TBC1D32: variants seen among roughly 807,000 people sequenced by gnomAD.
The protein encoded by TBC1D32 is TBC1 domain family member 32, also known as protein broad-minded.
In TBC1D32, 151 loss-of-function variants were observed where a neutral mutation model predicts 170.3. The observed-to-expected ratio is 0.89, with a 90% confidence interval of 0.78 to 1.01. The LOEUF (loss-of-function observed/expected upper bound fraction) is 1.01, where lower values mean the gene tolerates loss of function less well. TBC1D32 is among the 50% of genes least tolerant of loss of function. The pLI is 0.00. For synonymous variants in TBC1D32, 498 were observed against 488.0 expected (o/e 1.02, Z -0.27); for missense variants, 1,464 against 1,457.1 (o/e 1.00, Z -0.08).
At chr6:121,236,643 A>T (rs907213614) in intron 20 of TBC1D32, among the ~76,000 whole-genome samples, 39 of 152,116 alleles carry the variant, frequency 2.6e-4, no homozygotes, top group Non-Finnish European at 4.6e-4. Context: ...AATATTTTTT[A>T]AAAAATCCTT....
At chr6:121,277,327 A>G (rs34349558) in intron 15 of TBC1D32, among the ~76,000 whole-genome samples, 17,585 of 151,836 alleles carry the variant, frequency 0.12, 1,466 homozygotes, top group Admixed American at 0.23. Flanking sequence ...ATCTCTAACA[A>G]AAATACAAAA....
At chr6:121,139,589 A>G (rs1189620060) in intron 24 of TBC1D32, among the ~76,000 whole-genome samples, 1 of 152,192 alleles carries the variant, frequency 6.6e-6, no homozygotes, top group East Asian at 1.9e-4. Flanking sequence ...ATCAGTATAG[A>G]TTAATGAAAA....
chr6:121,101,266 C>T (rs779775382), intron 30 of TBC1D32, among the ~76,000 whole-genome samples: 20 of 151,960 alleles, frequency 1.3e-4, no homozygotes, highest in Non-Finnish European at 2.1e-4. Flanking sequence ...ATATCAAAGC[C>T]GGTCAGAGAC....
chr6:121,246,202 G>A (rs1797575457), intron 17 of TBC1D32, among the ~76,000 whole-genome samples: 1 of 152,168 alleles, frequency 6.6e-6, no homozygotes, highest in Non-Finnish European at 1.5e-5. Flanking sequence ...GCCGGAGACA[G>A]TGAACTTGCC....
At chr6:121,202,478 T>C (rs886586605) in intron 22 of TBC1D32, among the ~76,000 whole-genome samples, 2 of 151,200 alleles carry the variant, frequency 1.3e-5, no homozygotes, top group Non-Finnish European at 2.9e-5. Context: ...GATCTAGCGA[T>C]GAGCAGGATG....
intron 24 of TBC1D32, among the ~76,000 whole-genome samples, chr6:121,147,846 C>T (rs1385733484): frequency 1.3e-5 from 2 of 151,798 alleles, no homozygotes; most frequent in African/African-American, 2.4e-5. Flanking sequence ...CCTGCCTCGG[C>T]CTCTCAAAGT....
chr6:121,098,064 G>A (rs1338972733), intron 30 of TBC1D32, among the ~76,000 whole-genome samples: 5 of 151,814 alleles, frequency 3.3e-5, no homozygotes, highest in Non-Finnish European at 7.4e-5. Context: ...GGGCCTAGGG[G>A]AGGGAGAGCA....
At chr6:121,323,959 C>G (rs902872289) in intron 1 of TBC1D32, among the ~76,000 whole-genome samples, 2 of 152,082 alleles carry the variant, frequency 1.3e-5, no homozygotes, top group African/African-American at 4.8e-5. Flanking sequence ...AGGTGATAAA[C>G]TAACTTGTAA....
chr6:121,100,112 T>C (rs557017118), intron 30 of TBC1D32, among the ~76,000 whole-genome samples: 2 of 152,150 alleles, frequency 1.3e-5, no homozygotes, highest in East Asian at 3.9e-4. Context: ...TCTACTTTAA[T>C]TGCACTGTGG....
At chr6:121,086,708 G>T (rs970688526) in intron 31 of TBC1D32, among the ~76,000 whole-genome samples, 2 of 152,128 alleles carry the variant, frequency 1.3e-5, no homozygotes, top group African/African-American at 4.8e-5. Flanking sequence ...AGGCTGGTAT[G>T]TCAGTGAAGT....
Position 121,255,402 on chromosome 6 carries a change from C to T in TBC1D32, c.1944G>A (p.Leu648=). 6.7e-7 allele frequency: 1 copy of T among 1,502,300 alleles called. No homozygotes were observed. Among genetic ancestry groups the T allele is most frequent in the Non-Finnish European group, 8.9e-7 (1 of 1,118,684 alleles). 93.1% of individuals were successfully genotyped at this position (1,502,300 alleles called of 1,614,324 possible). ...CTGGAGTAGGAATTCTTTCTGATAGCAAACTTGTCTAAAAAATAGTAGAAT... is the reference window on the plus strand; with the variant it reads ...CTGGAGTAGGAATTCTTTCTGATAGTAAACTTGTCTAAAAAATAGTAGAAT... ...SIAKAWKKTS[L]LSERIPTPVE... is the part of the protein sequence containing the mutation. The change falls in exon 17 of 32, where the codon TTG becomes TTA. Residue 648 remains leucine, a synonymous_variant. Coordinates refer to ENST00000398212, the MANE Select transcript of TBC1D32 (RefSeq NM_152730.6).
intron 24 of TBC1D32, among the ~76,000 whole-genome samples, chr6:121,134,316 T>A (rs1282085655): frequency 6.6e-6 from 1 of 152,162 alleles, no homozygotes; most frequent in East Asian, 1.9e-4. Context: ...TTTATAAATC[T>A]GTTTTCTTTT....
chr6:121,326,993 G>T (rs936389792), intron 1 of TBC1D32, among the ~76,000 whole-genome samples: 7 of 152,084 alleles, frequency 4.6e-5, no homozygotes, highest in Admixed American at 3.3e-4. Context: ...ATTTTATGTT[G>T]TTTCTTTTAC....
chr6:121,265,057 T>TA (rs1800286046), intron 15 of TBC1D32, among the ~76,000 whole-genome samples: 1 of 152,218 alleles, frequency 6.6e-6, no homozygotes, highest in South Asian at 2.1e-4. Flanking sequence ...TTGGAAGTTC[T>TA]GGCCAAGGCA....
chr6:121,132,780 A>G (rs1016937848), intron 24 of TBC1D32, among the ~76,000 whole-genome samples: 23 of 152,096 alleles, frequency 1.5e-4, no homozygotes, highest in African/African-American at 5.5e-4. Context: ...ATTTAATTGC[A>G]TAGCTTTAAA....
At chr6:121,233,562 T>C (rs189889216) in intron 20 of TBC1D32, among the ~76,000 whole-genome samples, 1 of 152,294 alleles carries the variant, frequency 6.6e-6, no homozygotes, top group East Asian at 1.9e-4. Flanking sequence ...GCACGGAATA[T>C]CTTTTTCCAC....
At chr6:121,245,437 G>A (rs1256598409) in intron 17 of TBC1D32, among the ~76,000 whole-genome samples, 1 of 152,124 alleles carries the variant, frequency 6.6e-6, no homozygotes, top group East Asian at 1.9e-4. Context: ...ACACCCTGTG[G>A]GATGAAAGAA....
intron 11 of TBC1D32, among the ~76,000 whole-genome samples, chr6:121,292,412 A>G (rs1805002155): frequency 6.6e-6 from 1 of 152,218 alleles, no homozygotes; most frequent in African/African-American, 2.4e-5. Context: ...CTCAGAAAAG[A>G]ATAGTATACA....
intron 30 of TBC1D32, chr6:121,095,947 A>C (rs753770642): frequency 1.3e-5 from 2 of 152,172 alleles, no homozygotes; most frequent in Admixed American, 6.6e-5. Context: ...TGGCCTTATA[A>C]AATGAGTTAG....
Sources: gnomAD v4.1 joint callset for allele counts (sites outside exome capture counted in the v4.1 genomes callset) on GRCh38, gnomAD v4.1.1 for gene constraint, MANE v1.5 for transcripts, NCBI Gene and HGNC (gene_info 2026-07-23, HGNC 2026-07-21) for gene names.